RPS6KA3: variants seen among roughly 807,000 people sequenced by gnomAD.
The protein encoded by RPS6KA3 is ribosomal protein S6 kinase alpha-3.
Under a neutral mutation model 67.2 loss-of-function variants are expected in RPS6KA3, and 4 were observed. The observed-to-expected ratio is 0.06, with a 90% CI of 0.03 to 0.14. The LOEUF (loss-of-function observed/expected upper bound fraction) is 0.14, where lower values mean the gene tolerates loss of function less well. RPS6KA3 is among the 10% of genes least tolerant of loss of function. RPS6KA3 has a pLI of 1.00. For missense variants in RPS6KA3, 204 were observed against 559.0 expected (o/e 0.36, Z 6.40); for synonymous variants, 182 against 183.7 (o/e 0.99, Z 0.07).
At chrX:20,187,547 C>G (rs2068017901) in intron 9 of RPS6KA3, among the ~76,000 whole-genome samples, 1 of 111,682 alleles carries the variant, frequency 9.0e-6, no homozygotes, top group Admixed American at 9.5e-5. Context: ...GATTTCTGGA[C>G]CAGTTTCTCC....
Position 20,164,834 on chromosome X carries a change from G to GT in RPS6KA3, c.1764+64dup, listed in dbSNP as rs775441992. On this transcript the variant is annotated intron_variant, in intron 18 of 21. Coordinates refer to ENST00000379565, the MANE Select transcript of RPS6KA3 (RefSeq NM_004586.3). Reference sequence around the variant, plus strand: ...CAATTAAATTATTATTAATAATTCGGTATTAAACATAGTGAATGAGTTTTA... The same window carrying GT: ...CAATTAAATTATTATTAATAATTCGGTTATTAAACATAGTGAATGAGTTTTA... The GT allele has an allele frequency of 3.7e-4, 293 of 794,837 alleles. No individual in the cohort carries two copies. In the African/African-American group the frequency reaches 5.1e-3, roughly 14 times the overall value. 65.5% of individuals were successfully genotyped at this position (794,837 alleles called of 1,213,427 possible). A position where few individuals can be genotyped will look rare whatever the true frequency, so the allele number is the denominator to read the frequency against.
chrX:20,184,286 T>C lies in RPS6KA3; in HGVS notation c.845+2010A>G, dbSNP rs772176997. Among the ~76,000 whole-genome samples the C allele has an allele frequency of 8.1e-5, 9 of 111,715 alleles. No individual in the cohort carries two copies. In the East Asian group the frequency reaches 2.0e-3, roughly 24 times the overall value. On this transcript the variant is annotated intron_variant, in intron 10 of 21. Coordinates refer to ENST00000379565, the MANE Select transcript of RPS6KA3 (RefSeq NM_004586.3). ...CTGGTCTCGAACTCCTGACCTCAGG[T>C]GATCCACCCGCTTTGGCCTCCCAAA...
At chrX:20,258,382 G>C (rs986747312) in intron 1 of RPS6KA3, among the ~76,000 whole-genome samples, 4 of 112,102 alleles carry the variant, frequency 3.6e-5, no homozygotes, top group Admixed American at 9.4e-5. Context: ...AACATTCTAG[G>C]TAGCTGAGAT....
intron 1 of RPS6KA3, among the ~76,000 whole-genome samples, chrX:20,236,989 G>A (rs1195835241): frequency 9.0e-6 from 1 of 111,541 alleles, no homozygotes; most frequent in East Asian, 2.8e-4. Flanking sequence ...GTCTTGGACA[G>A]GTTCTTTCAA....
intron 1 of RPS6KA3, among the ~76,000 whole-genome samples, chrX:20,252,278 C>G (rs2069894838): frequency 8.9e-6 from 1 of 112,198 alleles, no homozygotes; most frequent in African/African-American, 3.2e-5. Flanking sequence ...ATTACAACAT[C>G]TGAATTATCA....
chrX:20,176,460 A>G lies in RPS6KA3; in HGVS notation c.973T>C (p.Ser325Pro). ...PDGVEEIKRH[S>P]FFSTIDWNKL... The stretch of plus-strand genomic sequence containing the variant: ...TTCCAGTCTATCGTTGAGAAAAATG[A>G]ATGTCTTTTAATTTCTTCAACTCCA... Residue 325 changes from serine to proline, a missense_variant, in exon 12 of 22, where the codon TCA (serine) becomes CCA (proline). By Grantham distance (74) the Ser-to-Pro change is moderately conservative (BLOSUM62 -1). This residue lies in a region of RPS6KA3 where 76 missense variants were observed against 250.3 expected (regional missense o/e 0.30). Transcript: ENST00000379565. The G allele has an allele frequency of 8.4e-7, 1 of 1,194,028 alleles. No homozygotes were observed. The highest frequency in any genetic ancestry group is 1.1e-6 in the Non-Finnish European group (1 of 880,095).
intron 20 of RPS6KA3, 93 bp from the exon 21 acceptor site, chrX:20,156,342 G>A: frequency 3.2e-6 from 3 of 924,322 alleles, no homozygotes; most frequent in Non-Finnish European, 4.7e-6. Context: ...CTTAGCTTCT[G>A]TGATACTGCT....
In RPS6KA3 at chrX:20,154,923, T is replaced by C. The variant is rs1450111630; in HGVS notation, c.*475A>G. On this transcript the variant is annotated 3_prime_UTR_variant, in exon 22 of 22. Transcript: ENST00000379565. ...AAGAAAGCAGTACAGAAATGTACTGTATATGAACTGTTTACAAAAACATAC... is the reference window on the plus strand; with the variant it reads ...AAGAAAGCAGTACAGAAATGTACTGCATATGAACTGTTTACAAAAACATAC... The C allele has an allele frequency of 5.4e-6, 1 of 185,433 alleles. No homozygotes were observed. Among genetic ancestry groups the C allele is most frequent in the Non-Finnish European group, 1.0e-5 (1 of 99,414 alleles). The allele number at this position is 185,433 out of a possible 1,213,427, so 15.3% of individuals were successfully genotyped here.
chrX:20,158,878 T>G (rs1344071831), intron 20 of RPS6KA3, among the ~76,000 whole-genome samples: 2 of 111,849 alleles, frequency 1.8e-5, no homozygotes, highest in African/African-American at 6.5e-5. Context: ...CTTTAGCTAC[T>G]ATGGATGATG....
chrX:20,211,797 C>CA (rs900634033), intron 2 of RPS6KA3, among the ~76,000 whole-genome samples: 2 of 111,189 alleles, frequency 1.8e-5, no homozygotes, highest in African/African-American at 6.5e-5. Flanking sequence ...AACAACAAAA[C>CA]AAAAAAACTA....
intron 2 of RPS6KA3, among the ~76,000 whole-genome samples, chrX:20,222,152 G>A (rs1348566276): frequency 8.9e-6 from 1 of 112,379 alleles, no homozygotes; most frequent in Admixed American, 9.4e-5. Flanking sequence ...TGACTCATGG[G>A]GTAGAGTCCT....
intron 7 of RPS6KA3, among the ~76,000 whole-genome samples, chrX:20,190,430 A>G (rs1328016983): frequency 8.9e-6 from 1 of 112,174 alleles, no homozygotes; most frequent in Non-Finnish European, 1.9e-5. Flanking sequence ...TGTATGTTTA[A>G]GATCTTAATA....
chrX:20,222,520 GTCTATT>G (rs754649612), intron 2 of RPS6KA3, among the ~76,000 whole-genome samples: 6 of 111,356 alleles, frequency 5.4e-5, no homozygotes, highest in South Asian at 3.7e-4. Context: ...CCTAAAATCT[GTCTATT>G]TCTATTTCCT....
intron 16 of RPS6KA3, 104 bp from the exon 17 acceptor site, chrX:20,167,851 C>T (rs1409377078): frequency 1.8e-6 from 1 of 555,766 alleles, no homozygotes. Flanking sequence ...ATATTCAAGA[C>T]AAATTTTATT....
rs745728739 is a variant in RPS6KA3, at chrX:20,194,204, T to C, written c.471A>G (p.Thr157=). Residue 157 remains threonine (T), a synonymous_variant, in exon 6 of 22, where the codon ACA becomes ACG. Coordinates refer to ENST00000379565, the MANE Select transcript of RPS6KA3 (RefSeq NM_004586.3). The stretch of plus-strand genomic sequence containing the variant: ...AATTATATACCTCTTTGGATAAGCG[T>C]GTAAACAAATCTCCTCCCCTGAGAA... ...LDFLRGGDLF[T]RLSKEVMFTE... 2 of 1,167,230 alleles carry C rather than the reference T, an allele frequency of 1.7e-6. No homozygotes were observed. The highest frequency in any genetic ancestry group is 2.2e-5 in the Admixed American group (1 of 45,943).
At chrX:20,212,422 CAGGAGGCAG>C (rs1818762900) in intron 2 of RPS6KA3, among the ~76,000 whole-genome samples, 1 of 111,156 alleles carries the variant, frequency 9.0e-6, no homozygotes, top group Non-Finnish European at 1.9e-5. Context: ...CACTTGAACC[CAGGAGGCAG>C]AGGTTGCAGT....
Position 20,177,066 on chromosome X carries a change from T to C in RPS6KA3, c.864A>G (p.Pro288=). ...TMILKAKLGM[P]QFLSPEAQSL... is the part of the protein sequence containing the mutation. ...TCTGCGCTTCAGGACTCAAAAACTGTGGCATTCCAAGTTTGGCTCTAAATA... is the reference window on the plus strand; with the variant it reads ...TCTGCGCTTCAGGACTCAAAAACTGCGGCATTCCAAGTTTGGCTCTAAATA... The change falls in exon 11 of 22, where the codon CCA becomes CCG. Residue 288 remains proline (P), a synonymous_variant. Transcript: ENST00000379565. 8.3e-7 allele frequency: 1 copy of C among 1,201,966 alleles called. No homozygotes were observed.
upstream of RPS6KA3, chrX:20,266,945 GC>G (rs1424035942): frequency 2.4e-5 from 17 of 700,189 alleles, no homozygotes; most frequent in Non-Finnish European, 2.5e-5. Context: ...CTACGGCTCC[GC>G]CCCCCCCGCC....
chrX:20,171,756 C>A (rs781167689), intron 15 of RPS6KA3, among the ~76,000 whole-genome samples: 2 of 112,091 alleles, frequency 1.8e-5, no homozygotes, highest in Admixed American at 9.5e-5. Flanking sequence ...AAGACACATC[C>A]TTAAACTGCC....
Sources: allele counts gnomAD v4.1 joint callset (sites outside exome capture counted in the v4.1 genomes callset), GRCh38; gene constraint gnomAD v4.1.1; regional missense constraint gnomAD v4.1.1; transcripts MANE v1.5; gene names NCBI Gene and HGNC (gene_info 2026-07-23, HGNC 2026-07-21).